YEATS2: variants seen among roughly 807,000 people sequenced by gnomAD.
The protein encoded by YEATS2 is YEATS domain containing 2, also known as YEATS domain-containing protein 2.
YEATS2 carries 77 observed loss-of-function variants against 163.2 expected under a neutral mutation model. The observed-to-expected ratio is 0.47, with a 90% CI of 0.39 to 0.57. The LOEUF is 0.57. Ranked by LOEUF, YEATS2 falls within the 20% of genes least tolerant of loss-of-function variation. The pLI, the probability that YEATS2 is intolerant of heterozygous loss-of-function variation, is 0.00. For missense variants in YEATS2, 1,549 were observed against 1,729.8 expected, an observed-to-expected ratio of 0.90 and a Z score of 1.85; for synonymous variants, 631 against 645.1, an observed-to-expected ratio of 0.98 and a Z score of 0.33.
At chr3:183,794,011 C>T (rs1372147558) in intron 21 of YEATS2, among the ~76,000 whole-genome samples, 3 of 152,146 alleles carry the variant, frequency 2.0e-5, no homozygotes, top group African/African-American at 7.2e-5. Context: ...AACTTAAGGT[C>T]TCATTGGGAC....
At chr3:183,795,748 C>T (rs1725085954) in intron 21 of YEATS2, among the ~76,000 whole-genome samples, 1 of 152,054 alleles carries the variant, frequency 6.6e-6, no homozygotes, top group African/African-American at 2.4e-5. Flanking sequence ...TACTTTCTAA[C>T]TTGTCAGCTG....
At chr3:183,720,099 C>T (rs1452202333) in intron 4 of YEATS2, among the ~76,000 whole-genome samples, 3 of 152,030 alleles carry the variant, frequency 2.0e-5, no homozygotes, top group African/African-American at 4.8e-5. Context: ...CGTAGTGATG[C>T]TGTGTACTTG....
intron 8 of YEATS2, among the ~76,000 whole-genome samples, chr3:183,742,787 A>G (rs1029452112): frequency 5.9e-5 from 9 of 152,246 alleles, no homozygotes; most frequent in Non-Finnish European, 8.8e-5. Context: ...AATGCTACAG[A>G]GAAATCTTTC....
chr3:183,724,297 A>C (rs1577061427), intron 5 of YEATS2, 122 bp from the exon 6 acceptor site: 1 of 701,188 alleles, frequency 1.4e-6, no homozygotes, highest in East Asian at 2.8e-5. Context: ...ACAAAGCCAG[A>C]AAATTTTGTA....
intron 7 of YEATS2, among the ~76,000 whole-genome samples, chr3:183,730,471 A>AAAAC (rs1315361313): frequency 1.3e-5 from 2 of 152,100 alleles, no homozygotes; most frequent in Non-Finnish European, 2.9e-5. Context: ...ACTCTTAAAC[A>AAAAC]AAACATGGCT....
At chr3:183,805,642 A>C (rs914859646) in intron 27 of YEATS2, among the ~76,000 whole-genome samples, 1 of 151,840 alleles carries the variant, frequency 6.6e-6, no homozygotes, top group African/African-American at 2.4e-5. Flanking sequence ...TGCAAAAATT[A>C]GCCGGGCATG....
At chr3:183,703,254 T>G (rs1018366352) in intron 1 of YEATS2, among the ~76,000 whole-genome samples, 1 of 152,156 alleles carries the variant, frequency 6.6e-6, no homozygotes, top group African/African-American at 2.4e-5. Context: ...GATCTGTTTT[T>G]GTTTTGGATG....
intron 7 of YEATS2, among the ~76,000 whole-genome samples, chr3:183,731,681 C>T (rs1057266620): frequency 6.6e-6 from 1 of 152,190 alleles, no homozygotes; most frequent in African/African-American, 2.4e-5. Context: ...GCTGCAGCTC[C>T]TTATCCAGTT....
intron 21 of YEATS2, among the ~76,000 whole-genome samples, chr3:183,792,346 C>T (rs373143295): frequency 6.6e-6 from 1 of 151,972 alleles, no homozygotes; most frequent in Non-Finnish European, 1.5e-5. Flanking sequence ...CTCCCTGTGT[C>T]GATGTGTTCT....
At chr3:183,748,248 C>T (rs1247007125) in intron 9 of YEATS2, among the ~76,000 whole-genome samples, 1 of 149,560 alleles carries the variant, frequency 6.7e-6, no homozygotes, top group Non-Finnish European at 1.5e-5. Flanking sequence ...GTCCCCTCCC[C>T]TTCCCCTCCT....
intron 8 of YEATS2, among the ~76,000 whole-genome samples, chr3:183,743,868 CCTTT>C (rs1189350179): frequency 1.3e-5 from 2 of 152,014 alleles, no homozygotes; most frequent in Non-Finnish European, 1.5e-5. Flanking sequence ...TTTTTCATTC[CCTTT>C]CTTCTACAAA....
chr3:183,768,541 G>T (rs1553875100), intron 15 of YEATS2, among the ~76,000 whole-genome samples: 2 of 150,158 alleles, frequency 1.3e-5, no homozygotes, highest in African/African-American at 4.9e-5. Context: ...ATTAAGAAGG[G>T]TTTTTTTTTT....
At chr3:183,736,498 G>A (rs1718355510) in intron 7 of YEATS2, among the ~76,000 whole-genome samples, 1 of 152,136 alleles carries the variant, frequency 6.6e-6, no homozygotes, top group African/African-American at 2.4e-5. Flanking sequence ...AGCTGTTAGC[G>A]TTCAATAATT....
intron 1 of YEATS2, among the ~76,000 whole-genome samples, chr3:183,714,767 T>G (rs752775196): frequency 3.3e-5 from 5 of 152,216 alleles, no homozygotes; most frequent in Non-Finnish European, 7.3e-5. Flanking sequence ...CATGTTTTCA[T>G]CAAAGTCTGG....
At position 183,786,144 on chromosome 3, in the gene YEATS2, C is replaced by T. The variant is rs1724039899; in HGVS notation, c.2756C>T (p.Ala919Val). The T allele has an allele frequency of 1.2e-6, 2 of 1,613,396 alleles. No individual in the cohort carries two copies. The highest frequency in any genetic ancestry group is 3.3e-5 in the Admixed American group (2 of 59,962). The change falls in exon 20 of 31, where the codon GCA becomes GTA. Residue 919 changes from alanine to valine, a missense_variant. By Grantham distance (64) the Ala-to-Val change is moderately conservative. Transcript: ENST00000305135. Reference protein sequence around the residue: ...LFTQAAHGGQASLMKISDSTL... With the variant: ...LFTQAAHGGQVSLMKISDSTL... ...CTGCAGGCAGCCCATGGAGGACAGGCATCTCTAATGAAAATATCCGATAGC... is the reference window on the plus strand; with the variant it reads ...CTGCAGGCAGCCCATGGAGGACAGGTATCTCTAATGAAAATATCCGATAGC...
chr3:183,771,048 C>A (rs1202069652), intron 15 of YEATS2, among the ~76,000 whole-genome samples: 3 of 152,190 alleles, frequency 2.0e-5, no homozygotes, highest in Non-Finnish European at 4.4e-5. Flanking sequence ...TTCCTAAAAA[C>A]AATTCCTACT....
intron 7 of YEATS2, among the ~76,000 whole-genome samples, 165 bp from the exon 8 acceptor site, chr3:183,736,553 T>C (rs1232946844): frequency 6.6e-6 from 1 of 152,206 alleles, no homozygotes; most frequent in African/African-American, 2.4e-5. Context: ...TTTTAAAATT[T>C]ATCATTTTAG....
intron 1 of YEATS2, among the ~76,000 whole-genome samples, chr3:183,700,504 T>A (rs1713943730): frequency 6.6e-6 from 1 of 152,118 alleles, no homozygotes; most frequent in African/African-American, 2.4e-5. Context: ...CTGTTTTCTG[T>A]CGTGATACCC....
intron 7 of YEATS2, among the ~76,000 whole-genome samples, chr3:183,733,553 T>G (rs965378236): frequency 2.6e-5 from 4 of 152,242 alleles, no homozygotes; most frequent in African/African-American, 9.6e-5. Flanking sequence ...TAGGTTTAAT[T>G]ATAACTCTTA....
Sources: allele counts gnomAD v4.1 joint callset (sites outside exome capture counted in the v4.1 genomes callset), GRCh38; gene constraint gnomAD v4.1.1; transcripts MANE v1.5; gene names NCBI Gene and HGNC (gene_info 2026-07-23, HGNC 2026-07-21).